The following RALA variants were observed in gnomAD, a reference collection of about 807,000 sequenced individuals.
RALA encodes RAS like proto-oncogene A.
A neutral mutation model predicts 24.0 loss-of-function variants in RALA; 5 were observed. The ratio of observed to expected loss-of-function variants is 0.21; its 90% CI spans 0.11 to 0.44. The LOEUF (loss-of-function observed/expected upper bound fraction) is 0.44. Ranked by LOEUF, RALA falls within the 20% of genes least tolerant of loss-of-function variation. The probability of loss-of-function intolerance (pLI) is 0.99; values close to 1 mark genes in which losing one functional copy is unlikely to be tolerated. For missense variants in RALA, 95 were observed against 241.2 expected (o/e 0.39, Z 4.01); for synonymous variants, 77 against 83.8 (o/e 0.92, Z 0.44).
Position 39,707,601 on chromosome 7 carries a change from A to AT in RALA, c.*1368dup, listed in dbSNP as rs146731588. 46,759 of 148,114 alleles carry AT rather than the reference A, an allele frequency of 0.32. 7,992 individuals carry two copies. Among genetic ancestry groups the AT allele is most frequent in the Non-Finnish European group, 0.4 (26,910 of 66,964 alleles). The allele number at this position is 148,114 out of a possible 1,614,324, so 9.2% of individuals were successfully genotyped here. ...TCAGTGGGAAATATGCCACTGACCG[A>AT]TTTTTTTTTTTTCCTCTTTGCAGTG... On this transcript the variant is annotated 3_prime_UTR_variant, in exon 5 of 5. Transcript: ENST00000005257.
intron 1 of RALA, among the ~76,000 whole-genome samples, chr7:39,682,662 A>C (rs1792626138): frequency 3.3e-5 from 5 of 152,106 alleles, no homozygotes; most frequent in Admixed American, 2.6e-4. Flanking sequence ...TTTCTTTCTA[A>C]GACGGAGTCT....
chr7:39,636,195 A>G (rs1791681719), intron 1 of RALA, among the ~76,000 whole-genome samples: 1 of 152,134 alleles, frequency 6.6e-6, no homozygotes, highest in South Asian at 2.1e-4. Context: ...GCATAGATGT[A>G]TGTTTTCATT....
At chr7:39,625,231 C>G (rs1367263965) in intron 1 of RALA, among the ~76,000 whole-genome samples, 3 of 152,300 alleles carry the variant, frequency 2.0e-5, no homozygotes, top group Middle Eastern at 3.4e-3. Context: ...GACTTTACTT[C>G]GTGTTTCATT....
At chr7:39,670,733 G>T (rs917088951) in intron 1 of RALA, among the ~76,000 whole-genome samples, 8 of 151,932 alleles carry the variant, frequency 5.3e-5, no homozygotes, top group African/African-American at 1.9e-4. Context: ...CACCTTTCAG[G>T]TTCTACCCTG....
chr7:39,629,742 C>T (rs1283681929), intron 1 of RALA, among the ~76,000 whole-genome samples: 1 of 152,124 alleles, frequency 6.6e-6, no homozygotes, highest in Non-Finnish European at 1.5e-5. Context: ...ACTACAGGCG[C>T]GTGCCACCAC....
chr7:39,689,528 A>G (rs1792777620), intron 2 of RALA, among the ~76,000 whole-genome samples: 1 of 152,258 alleles, frequency 6.6e-6, no homozygotes, highest in Non-Finnish European at 1.5e-5. Flanking sequence ...AGTCATAGCA[A>G]ATAAATAAGA....
chr7:39,674,326 ATAT>A (rs1384792476), intron 1 of RALA, among the ~76,000 whole-genome samples: 2 of 152,102 alleles, frequency 1.3e-5, no homozygotes, highest in Non-Finnish European at 2.9e-5. Flanking sequence ...ATTTTATCAA[ATAT>A]TATTCTAGAA....
At chr7:39,633,548 C>T (rs935646189) in intron 1 of RALA, among the ~76,000 whole-genome samples, 2 of 152,194 alleles carry the variant, frequency 1.3e-5, no homozygotes, top group African/African-American at 4.8e-5. Flanking sequence ...CCAGTCACCT[C>T]CCACCTAGTC....
At chr7:39,689,668 A>T (rs549281226) in intron 2 of RALA, among the ~76,000 whole-genome samples, 3 of 152,344 alleles carry the variant, frequency 2.0e-5, no homozygotes, top group Non-Finnish European at 4.4e-5. Flanking sequence ...TGTGATCCCA[A>T]CACTTTGGGA....
intron 2 of RALA, among the ~76,000 whole-genome samples, chr7:39,690,017 G>C (rs1792787915): frequency 6.6e-6 from 1 of 152,148 alleles, no homozygotes; most frequent in Admixed American, 6.5e-5. Flanking sequence ...TGACCTTTAA[G>C]TTATTTCCAC....
chr7:39,631,406 T>C, intron 1 of RALA, among the ~76,000 whole-genome samples: 1 of 152,146 alleles, frequency 6.6e-6, no homozygotes, highest in African/African-American at 2.4e-5. Flanking sequence ...TTGCCCAGGC[T>C]GGAGTGCAGT....
At chr7:39,628,143 A>C (rs1791526340) in intron 1 of RALA, among the ~76,000 whole-genome samples, 1 of 151,674 alleles carries the variant, frequency 6.6e-6, no homozygotes, top group South Asian at 2.1e-4. Flanking sequence ...GTATACTCCT[A>C]CTGGTCCTTC....
intron 1 of RALA, among the ~76,000 whole-genome samples, chr7:39,652,785 A>G (rs1792039440): frequency 6.6e-6 from 1 of 152,024 alleles, no homozygotes; most frequent in Non-Finnish European, 1.5e-5. Flanking sequence ...TATTATTATT[A>G]TTATTTGAGA....
intron 1 of RALA, among the ~76,000 whole-genome samples, chr7:39,629,752 C>G (rs1295727664): frequency 6.6e-6 from 1 of 152,000 alleles, no homozygotes; most frequent in African/African-American, 2.4e-5. Context: ...CGTGCCACCA[C>G]GCCTGGCTAA....
intron 1 of RALA, among the ~76,000 whole-genome samples, chr7:39,648,128 T>C: frequency 6.6e-6 from 1 of 152,222 alleles, no homozygotes; most frequent in South Asian, 2.1e-4. Flanking sequence ...TAAAGTCATA[T>C]ACAAAATTTT....
At chr7:39,631,450 C>G (rs1241694728) in intron 1 of RALA, among the ~76,000 whole-genome samples, 4 of 152,162 alleles carry the variant, frequency 2.6e-5, no homozygotes, top group Non-Finnish European at 5.9e-5. Flanking sequence ...CCTTGAACTC[C>G]TGGGCTCAAG....
intron 1 of RALA, among the ~76,000 whole-genome samples, chr7:39,625,027 T>G (rs1791456482): frequency 6.6e-6 from 1 of 152,180 alleles, no homozygotes; most frequent in Non-Finnish European, 1.5e-5. Context: ...TTTTTTGACC[T>G]TGGATTTCTT....
intron 3 of RALA, among the ~76,000 whole-genome samples, chr7:39,691,569 A>G (rs191109579): frequency 7.8e-4 from 119 of 152,316 alleles, no homozygotes; most frequent in Middle Eastern, 3.4e-3. Flanking sequence ...TTTCACACAT[A>G]AGGAAAGAGG....
rs1792422793 is a variant in RALA, at chr7:39,673,381, C to G, written c.-37-13250C>G. Reference sequence around the variant, plus strand: ...TTTTGTACCTTTACCAAAATACACTCTTTATGTCTCAAGAACAGGTTGTCT... The same window carrying G: ...TTTTGTACCTTTACCAAAATACACTGTTTATGTCTCAAGAACAGGTTGTCT... On this transcript the variant is annotated intron_variant, in intron 1 of 4. Coordinates refer to ENST00000005257, the MANE Select transcript of RALA (RefSeq NM_005402.4). 3.9e-5 allele frequency among the ~76,000 whole-genome samples: 6 copies of G among 152,092 alleles called. No individual in the cohort carries two copies. The South Asian group carries it at 1.0e-3, about 26-fold the overall frequency.
Sources: allele counts gnomAD v4.1 joint callset (sites outside exome capture counted in the v4.1 genomes callset), GRCh38; gene constraint gnomAD v4.1.1; transcripts MANE v1.5; gene names NCBI Gene and HGNC (gene_info 2026-07-23, HGNC 2026-07-21).